Variants in SPATA22 observed in about 807,000 individuals in gnomAD.
SPATA22 encodes spermatogenesis-associated protein 22.
A neutral mutation model predicts 47.8 loss-of-function variants in SPATA22; 29 were observed. That is an observed-to-expected ratio of 0.61 (90% CI 0.45 to 0.83). The LOEUF is 0.83. SPATA22 is among the 40% of genes least tolerant of loss of function. SPATA22 has a pLI of 0.00. For synonymous variants in SPATA22, 133 were observed against 140.9 expected (o/e 0.94, Z 0.40); for missense variants, 410 against 421.7 (o/e 0.97, Z 0.24).
At position 3,462,570 on chromosome 17, in the gene SPATA22, G is replaced by A; in HGVS notation, c.242C>T (p.Pro81Leu). ...VMKTVDTGQI[P>L]HSVSRPLRSQ... ...TCTCAGAGGACGAGAAACTGAATGT[G>A]GTATTTGCCTTTCAAGGGAATATGT... The change falls in exon 5 of 9, where the codon CCA (proline) becomes CTA (leucine). Residue 81 changes from proline (P) to leucine (L), a missense_variant. Transcript: ENST00000572969. 6.2e-7 allele frequency: 1 copy of A among 1,612,210 alleles called. No homozygotes were observed. Among genetic ancestry groups the A allele is most frequent in the Non-Finnish European group, 8.5e-7 (1 of 1,178,920 alleles).
chr17:3,470,617 G>A (rs2073407384), intron 1 of SPATA22, among the ~76,000 whole-genome samples: 2 of 151,996 alleles, frequency 1.3e-5, no homozygotes, highest in African/African-American at 4.8e-5. Flanking sequence ...CGGGCGTGGT[G>A]GCAGGCACCT....
upstream of SPATA22, chr17:3,471,926 T>A: frequency 1.1e-6 from 1 of 922,362 alleles, no homozygotes; most frequent in Non-Finnish European, 1.3e-6. Context: ...GCGATGACGT[T>A]AACGCTCTTC....
At position 3,467,562 on chromosome 17, in the gene SPATA22, G is replaced by C. The variant is rs774398247; in HGVS notation, c.44-8C>G. 1.3e-6 allele frequency: 2 copies of C among 1,599,114 alleles called. No individual in the cohort carries two copies. Among genetic ancestry groups the C allele is most frequent in the East Asian group, 4.5e-5 (2 of 44,462 alleles). ...ACGGAACAGGCAAACAGCCTAAATT[G>C]AATGTACCAATAAATTAGTACATAA... On this transcript the variant is annotated splice_region_variant and splice_polypyrimidine_tract_variant and intron_variant, in intron 2 of 8. Coordinates refer to ENST00000572969, the MANE Select transcript of SPATA22 (RefSeq NM_001170698.2).
chr17:3,489,285 G>A, intron 1 of SPATA22: 1 of 1,613,160 alleles, frequency 6.2e-7, no homozygotes, highest in Non-Finnish European at 8.5e-7. Context: ...TGATATCTTG[G>A]ATCAAATGAG....
At chr17:3,461,958 G>C (rs1242361317) in intron 5 of SPATA22, among the ~76,000 whole-genome samples, 1 of 152,058 alleles carries the variant, frequency 6.6e-6, no homozygotes, top group Non-Finnish European at 1.5e-5. Context: ...TGGTCCTTAT[G>C]GCAAGAACCC....
In SPATA22 at chr17:3,471,788, C is replaced by T; in HGVS notation, c.-180G>A. ...CAGGCGGCCCCGTCAGCAACCGCCG[C>T]CCTTCCCGCCCGCGAAGAAAGCGCG... On this transcript the variant is annotated 5_prime_UTR_variant, in exon 1 of 9. Transcript: ENST00000572969. 1 of 985,530 alleles carries T rather than the reference C, an allele frequency of 1.0e-6. No individual in the cohort carries two copies. Among genetic ancestry groups the T allele is most frequent in the East Asian group, 1.1e-4 (1 of 8,800 alleles). The allele number at this position is 985,530 out of a possible 1,614,324, so 61.0% of individuals were successfully genotyped here.
intron 8 of SPATA22, among the ~76,000 whole-genome samples, chr17:3,442,081 C>G (rs1448040801): frequency 6.6e-6 from 1 of 151,852 alleles, no homozygotes; most frequent in Non-Finnish European, 1.5e-5. Context: ...TTGGCATTCA[C>G]TTTGTGATAC....
At chr17:3,475,853 T>G (rs1221295145), upstream of SPATA22, 1 of 348,174 alleles carries the variant, frequency 2.9e-6, no homozygotes. Context: ...AAATGCTAAT[T>G]TATTACTGTA....
intron 1 of SPATA22, among the ~76,000 whole-genome samples, chr17:3,487,701 C>T (rs2073750468): frequency 6.6e-6 from 1 of 152,138 alleles, no homozygotes; most frequent in South Asian, 2.1e-4. Context: ...ATTCTTAAAT[C>T]ATTGACTAGG....
intron 1 of SPATA22, among the ~76,000 whole-genome samples, chr17:3,508,897 TAAAAAAAA>T (rs59201485): frequency 0.011 from 1,204 of 112,974 alleles, 39 homozygotes; most frequent in Admixed American, 0.062. Context: ...GCTTAAAGTA[TAAAAAAAA>T]AAAAAAAAAA....
At chr17:3,496,012 T>C (rs989669817) in intron 1 of SPATA22, among the ~76,000 whole-genome samples, 3 of 152,238 alleles carry the variant, frequency 2.0e-5, no homozygotes, top group Non-Finnish European at 4.4e-5. Context: ...GGTTTTAGGA[T>C]ACTCTTGAGG....
At chr17:3,457,790 C>A (rs909952486) in intron 5 of SPATA22, among the ~76,000 whole-genome samples, 3 of 152,166 alleles carry the variant, frequency 2.0e-5, no homozygotes, top group African/African-American at 7.2e-5. Context: ...TGGAACTGAA[C>A]TCTCACCTTA....
chr17:3,456,505 T>C (rs1465962487), intron 5 of SPATA22, among the ~76,000 whole-genome samples: 1 of 151,288 alleles, frequency 6.6e-6, no homozygotes, highest in Non-Finnish European at 1.5e-5. Flanking sequence ...CAGGAAGAAG[T>C]TGAATCTCTG....
chr17:3,441,503 T>C (rs894893569), intron 8 of SPATA22: 1 of 152,006 alleles, frequency 6.6e-6, no homozygotes, highest in African/African-American at 2.4e-5. Context: ...AGATCGACAA[T>C]ACTAAGCGTT....
chr17:3,467,723 G>A (rs2073347609), intron 2 of SPATA22, among the ~76,000 whole-genome samples, 169 bp from the exon 3 acceptor site: 4 of 152,036 alleles, frequency 2.6e-5, no homozygotes, highest in Admixed American at 2.6e-4. Flanking sequence ...TTAAGATCCT[G>A]AATAGCCTAA....
At chr17:3,513,820 C>T in exon 1 of SPATA22, 1 of 1,045,870 alleles carries the variant, frequency 9.6e-7, no homozygotes, top group Non-Finnish European at 1.5e-6. Context: ...CCAGCAGAGC[C>T]GGACTCCACC....
In SPATA22 at chr17:3,462,536, A is replaced by ATCT; in HGVS notation, c.273_275dup (p.Gln91_Asp92insGlu). 6.2e-7 allele frequency: 1 copy of ATCT among 1,613,490 alleles called. No individual in the cohort carries two copies. Among genetic ancestry groups the ATCT allele is most frequent in the South Asian group, 1.1e-5 (1 of 90,864 alleles). ...TTGATTGAATAGAGTTAAAGACAGA[A>ATCT]TCTTGACTTCTCAGAGGACGAGAAA... is the stretch of plus-strand genomic sequence containing the variant. On this transcript the variant is annotated inframe_insertion, in exon 5 of 9. Transcript: ENST00000572969.
chr17:3,480,747 T>C (rs1041151801), intron 1 of SPATA22, among the ~76,000 whole-genome samples: 5 of 152,234 alleles, frequency 3.3e-5, no homozygotes, highest in African/African-American at 1.2e-4. Flanking sequence ...AAAGGGCTGT[T>C]ATCATCTTTG....
chr17:3,471,597 A>G (rs770293221), intron 1 of SPATA22, 85 bp downstream of exon 1: 55 of 985,190 alleles, frequency 5.6e-5, no homozygotes, highest in Non-Finnish European at 6.5e-5. Context: ...GTGGGAGAGA[A>G]GAGGCTCCAG....
Sources: gnomAD v4.1 joint callset for allele counts (sites outside exome capture counted in the v4.1 genomes callset) on GRCh38, gnomAD v4.1.1 for gene constraint, MANE v1.5 for transcripts, NCBI Gene and HGNC (gene_info 2026-07-23, HGNC 2026-07-21) for gene names.